Variants in DNAH11 observed in about 807,000 individuals in gnomAD.
DNAH11 encodes dynein axonemal heavy chain 11.
In DNAH11, 442 loss-of-function variants were observed where a neutral mutation model predicts 526.0. That is an observed-to-expected ratio of 0.84 (90% CI 0.78 to 0.91). The LOEUF (loss-of-function observed/expected upper bound fraction) is 0.91, where lower values mean the gene tolerates loss of function less well. DNAH11 is among the 40% of genes least tolerant of loss of function. The pLI, the probability that DNAH11 is intolerant of heterozygous loss-of-function variation, is 0.00. For missense variants in DNAH11, 6,989 were observed against 5,448.7 expected (o/e 1.28, Z -8.90); for synonymous variants, 2,461 against 1,935.9 (o/e 1.27, Z -7.12).
intron 45 of DNAH11, among the ~76,000 whole-genome samples, chr7:21,733,369 C>G (rs1350598974): frequency 6.6e-6 from 1 of 152,088 alleles, no homozygotes; most frequent in Admixed American, 6.5e-5. Flanking sequence ...GCCTCAGCAA[C>G]AAGAGCGAGA....
chr7:21,642,413 C>T (rs1787170951), intron 28 of DNAH11, among the ~76,000 whole-genome samples: 1 of 152,136 alleles, frequency 6.6e-6, no homozygotes, highest in African/African-American at 2.4e-5. Flanking sequence ...TGAATTCTTG[C>T]TCACTAACTA....
rs528710916 is a variant in DNAH11 at position 21,860,674 on chromosome 7, T to A, written c.11203-1179T>A. On this transcript the variant is annotated intron_variant, in intron 68 of 81. Transcript: ENST00000409508. Reference sequence around the variant, plus strand: ...TGGATGAACCTTGATATTATCCTAATTCAAATGAGCCAGTCACAGTAAGAC... The same window carrying A: ...TGGATGAACCTTGATATTATCCTAAATCAAATGAGCCAGTCACAGTAAGAC... 1.5e-3 allele frequency among the ~76,000 whole-genome samples: 228 copies of A among 152,222 alleles called. 2 individuals are homozygous for A. Among genetic ancestry groups the A allele is most frequent in the Admixed American group, 6.5e-4 (10 of 15,284 alleles).
chr7:21,632,283 T>C (rs890884641), intron 25 of DNAH11, among the ~76,000 whole-genome samples: 4 of 152,164 alleles, frequency 2.6e-5, no homozygotes, highest in African/African-American at 9.6e-5. Flanking sequence ...GCCACAAAGG[T>C]CTCTGATGCC....
chr7:21,632,847 T>A (rs1285998400), intron 25 of DNAH11, among the ~76,000 whole-genome samples: 1 of 152,220 alleles, frequency 6.6e-6, no homozygotes, highest in East Asian at 1.9e-4. Flanking sequence ...TTCGGGTGTC[T>A]TTTCAATAGC....
intron 6 of DNAH11, among the ~76,000 whole-genome samples, chr7:21,565,641 G>C (rs1470543683): frequency 6.6e-6 from 1 of 152,140 alleles, no homozygotes; most frequent in Non-Finnish European, 1.5e-5. Context: ...AACCTGGATT[G>C]AAATCTAATT....
chr7:21,717,646 G>A, intron 42 of DNAH11, 129 bp from the exon 43 acceptor site: 3 of 1,066,230 alleles, frequency 2.8e-6, no homozygotes, highest in Middle Eastern at 5.7e-4. Context: ...TTGAAAAATA[G>A]AACGAACTCA....
At chr7:21,866,099 C>T (rs1243517452) in intron 70 of DNAH11, among the ~76,000 whole-genome samples, 1 of 152,046 alleles carries the variant, frequency 6.6e-6, no homozygotes, top group African/African-American at 2.4e-5. Context: ...AATGCCTTAA[C>T]CTCCTAGGAA....
At position 21,606,556 on chromosome 7, in the gene DNAH11, C is replaced by G; in HGVS notation, c.3765+14C>G. The G allele has an allele frequency of 6.3e-7, 1 of 1,592,320 alleles. No homozygotes were observed. The highest frequency in any genetic ancestry group is 8.5e-7 in the Non-Finnish European group (1 of 1,172,104). On this transcript the variant is annotated intron_variant, in intron 19 of 81. Transcript: ENST00000409508. The stretch of plus-strand genomic sequence containing the variant: ...ATTTTGTTTGACGTAAGCTAGTTAC[C>G]AAGTTTTTGTTTTAAGAAAGGTTTT...
chr7:21,806,137 G>A (rs1043293154), intron 62 of DNAH11, among the ~76,000 whole-genome samples: 2 of 152,154 alleles, frequency 1.3e-5, no homozygotes, highest in African/African-American at 4.8e-5. Flanking sequence ...TTAAACCCTT[G>A]TTAGCCAATG....
intron 8 of DNAH11, among the ~76,000 whole-genome samples, chr7:21,573,310 G>T (rs1231721111): frequency 6.6e-6 from 1 of 152,126 alleles, no homozygotes; most frequent in Non-Finnish European, 1.5e-5. Context: ...TTGCAGATAA[G>T]GTGGGCAGGG....
chr7:21,822,017 A>G (rs746390796), intron 65 of DNAH11, among the ~76,000 whole-genome samples: 3 of 151,972 alleles, frequency 2.0e-5, no homozygotes, highest in Non-Finnish European at 4.4e-5. Context: ...AGTTCCATCC[A>G]TGTTGCTGCA....
rs1212796132 is a variant in DNAH11, at chr7:21,588,580, G to T, written c.1917G>T (p.Gln639His). 1.9e-6 allele frequency: 3 copies of T among 1,613,652 alleles called. No individual in the cohort carries two copies. Among genetic ancestry groups the T allele is most frequent in the Admixed American group, 1.7e-5 (1 of 60,028 alleles). ...CCTCAGGAAATATGAAATGGGCCCA[G>T]CAGGTTCTCCAACGACTTCAAATGT... ...PFTSGNMKWA[Q>H]QVLQRLQMFW... Residue 639 changes from glutamine to histidine, a missense_variant, in exon 11 of 82, where the codon CAG (glutamine) becomes CAT (histidine). Physicochemically the swap from Gln to His is conservative, Grantham distance 24 (BLOSUM62 0). Transcript: ENST00000409508.
chr7:21,854,578 C>G, intron 68 of DNAH11, 123 bp downstream of exon 68: 5 of 1,101,282 alleles, frequency 4.5e-6, no homozygotes, highest in Non-Finnish European at 6.2e-6. Context: ...GAGACAGAGT[C>G]TCACTCTGTA....
chr7:21,693,571 T>C (rs1375644762), intron 35 of DNAH11, among the ~76,000 whole-genome samples: 2 of 149,810 alleles, frequency 1.3e-5, no homozygotes, highest in African/African-American at 2.4e-5. Context: ...ATTGAATTAA[T>C]CAGTTAGGCC....
At chr7:21,663,978 T>C (rs1782331712) in intron 30 of DNAH11, among the ~76,000 whole-genome samples, 1 of 152,020 alleles carries the variant, frequency 6.6e-6, no homozygotes, top group Non-Finnish European at 1.5e-5. Context: ...GTAATTCTAT[T>C]TTTAATTTTT....
In DNAH11 at chr7:21,880,767, C is replaced by T; in HGVS notation, c.12261C>T (p.Phe4087=). 1 of 1,613,988 alleles carries T rather than the reference C, an allele frequency of 6.2e-7. No homozygotes were observed. Among genetic ancestry groups the T allele is most frequent in the Non-Finnish European group, 8.5e-7 (1 of 1,179,892 alleles). Residue 4087 remains phenylalanine, a synonymous_variant, in exon 75 of 82, where the codon TTC becomes TTT. Coordinates refer to ENST00000409508, the MANE Select transcript of DNAH11 (RefSeq NM_001277115.2). ...FKSILFSLCY[F]HACVAGRLRF... is the part of the protein sequence containing the mutation. ...GCATCCTTTTTTCTCTCTGCTACTT[C>T]CACGCCTGTGTTGCTGGGAGACTGA...
At chr7:21,850,758 C>T (rs753460246) in intron 66 of DNAH11, among the ~76,000 whole-genome samples, 34 of 151,918 alleles carry the variant, frequency 2.2e-4, no homozygotes, top group Non-Finnish European at 4.3e-4. Flanking sequence ...CTAGGAGTTA[C>T]GGCTGTGTCT....
At chr7:21,838,619 T>C (rs990788959) in intron 65 of DNAH11, among the ~76,000 whole-genome samples, 3 of 152,194 alleles carry the variant, frequency 2.0e-5, no homozygotes, top group Admixed American at 6.5e-5. Context: ...TGTCGTAGCA[T>C]GTATCAATAC....
chr7:21,823,647 A>T (rs1442785624), intron 65 of DNAH11, among the ~76,000 whole-genome samples: 1 of 152,158 alleles, frequency 6.6e-6, no homozygotes, highest in Non-Finnish European at 1.5e-5. Flanking sequence ...TTCTTTATGC[A>T]TAAGAATCAT....
Sources: gnomAD v4.1 joint callset for allele counts (sites outside exome capture counted in the v4.1 genomes callset) on GRCh38, gnomAD v4.1.1 for gene constraint, MANE v1.5 for transcripts, NCBI Gene and HGNC (gene_info 2026-07-23, HGNC 2026-07-21) for gene names.